Variants in NFKB1 observed in about 807,000 individuals in gnomAD.
NFKB1 encodes nuclear factor kappa B subunit 1.
NFKB1 carries 9 observed loss-of-function variants against 105.1 expected under a neutral mutation model. The observed-to-expected ratio is 0.09, with a 90% CI of 0.05 to 0.15. The LOEUF is 0.15. Among genes scored for constraint, NFKB1 ranks in the 10% least tolerant of loss-of-function variants. NFKB1 has a pLI of 1.00. For synonymous variants in NFKB1, 440 were observed against 442.2 expected (o/e 1.00, Z 0.06); for missense variants, 830 against 1,203.7 (o/e 0.69, Z 4.59).
Position 102,550,200 on chromosome 4 carries a change from T to G in NFKB1, c.258+12244T>G, listed in dbSNP as rs1236430152. Among the ~76,000 whole-genome samples the G allele has an allele frequency of 2.0e-5, 3 of 152,192 alleles. No homozygotes were observed. In the East Asian group the frequency reaches 5.8e-4, roughly 29 times the overall value. On this transcript the variant is annotated intron_variant, in intron 5 of 23. Coordinates refer to ENST00000226574, the MANE Select transcript of NFKB1 (RefSeq NM_003998.4). ...TTGTCCTATTCTTGGCCAGTGGGAG[T>G]CTTTCATGCTAGCTCCTATGTCTTT...
chr4:102,558,031 C>CT (rs575415233), intron 5 of NFKB1, among the ~76,000 whole-genome samples: 2,934 of 130,834 alleles, frequency 0.022, 51 homozygotes, highest in African/African-American at 0.055. Context: ...GATATCTAGC[C>CT]TTTTTTTTTT....
intron 5 of NFKB1, among the ~76,000 whole-genome samples, chr4:102,549,355 A>C (rs1290307318): frequency 6.7e-6 from 1 of 148,772 alleles, no homozygotes; most frequent in Non-Finnish European, 1.5e-5. Flanking sequence ...ATAAAATAAT[A>C]TATATTATTC....
intron 5 of NFKB1, among the ~76,000 whole-genome samples, chr4:102,551,282 G>A (rs1237690236): frequency 6.6e-6 from 1 of 152,172 alleles, no homozygotes; most frequent in Non-Finnish European, 1.5e-5. Flanking sequence ...ACATGTGTGA[G>A]AGAGTAATCA....
chr4:102,519,311 ATATT>A (rs1034934367), intron 1 of NFKB1, among the ~76,000 whole-genome samples: 40 of 147,742 alleles, frequency 2.7e-4, no homozygotes, highest in Non-Finnish European at 4.8e-4. Context: ...ATTATATAAA[ATATT>A]TATATGTTAT....
chr4:102,547,320 AAAG>A (rs1192378817), intron 5 of NFKB1, among the ~76,000 whole-genome samples: 2 of 152,334 alleles, frequency 1.3e-5, no homozygotes, highest in African/African-American at 2.4e-5. Context: ...GGCAGGTACA[AAAG>A]AAGGAGTAAG....
intron 5 of NFKB1, among the ~76,000 whole-genome samples, chr4:102,550,307 C>T (rs928119163): frequency 5.3e-5 from 8 of 152,128 alleles, no homozygotes; most frequent in African/African-American, 1.9e-4. Context: ...CCTATACCTT[C>T]ACTACCCCAG....
chr4:102,597,475 CAAAAG>C, intron 14 of NFKB1, 40 bp from the exon 15 acceptor site: 1 of 1,561,416 alleles, frequency 6.4e-7, no homozygotes, highest in Non-Finnish European at 8.7e-7. Context: ...ACCCATAAAA[CAAAAG>C]TAGGAACACT....
intron 2 of NFKB1, among the ~76,000 whole-genome samples, chr4:102,528,314 G>C (rs1302268163): frequency 6.6e-6 from 1 of 152,100 alleles, no homozygotes; most frequent in Non-Finnish European, 1.5e-5. Context: ...TTTCATTCCT[G>C]TATTTCCTTT....
At chr4:102,537,343 G>T (rs886666863) in intron 4 of NFKB1, among the ~76,000 whole-genome samples, 4 of 152,128 alleles carry the variant, frequency 2.6e-5, no homozygotes, top group Non-Finnish European at 5.9e-5. Flanking sequence ...CAGATGCAGG[G>T]TCTAGCACAG....
intron 5 of NFKB1, among the ~76,000 whole-genome samples, chr4:102,539,735 C>G (rs183753527): frequency 2.6e-4 from 39 of 152,248 alleles, no homozygotes; most frequent in South Asian, 8.3e-4. Context: ...CAAACAGACT[C>G]AGAGAATGGA....
intron 1 of NFKB1, among the ~76,000 whole-genome samples, chr4:102,515,293 G>A (rs1337692793): frequency 6.7e-6 from 1 of 149,752 alleles, no homozygotes. Context: ...TGTATTTTTA[G>A]TAGAGACGGG....
chr4:102,504,073 G>A (rs1158175003), intron 1 of NFKB1, among the ~76,000 whole-genome samples: 2 of 152,114 alleles, frequency 1.3e-5, no homozygotes, highest in Non-Finnish European at 2.9e-5. Context: ...TCTGGCTTCT[G>A]GGGGGAAGTG....
chr4:102,526,286 A>T (rs1740906704), intron 2 of NFKB1, among the ~76,000 whole-genome samples: 1 of 152,108 alleles, frequency 6.6e-6, no homozygotes, highest in Non-Finnish European at 1.5e-5. Context: ...ATATTTATTT[A>T]ATGTGTACAC....
At chr4:102,523,880 T>TC (rs1327251268) in intron 1 of NFKB1, among the ~76,000 whole-genome samples, 1 of 152,102 alleles carries the variant, frequency 6.6e-6, no homozygotes, top group Non-Finnish European at 1.5e-5. Context: ...CATCTCTAAC[T>TC]CCAACGAAGT....
chr4:102,561,938 G>A (rs1723474481), intron 5 of NFKB1, among the ~76,000 whole-genome samples: 1 of 152,164 alleles, frequency 6.6e-6, no homozygotes, highest in South Asian at 2.1e-4. Flanking sequence ...TTCAGAAAAA[G>A]GAGGCAGTAG....
rs540582688 is a variant in NFKB1, at chr4:102,549,148, G to T, written c.258+11192G>T. Among the ~76,000 whole-genome samples the T allele has an allele frequency of 8.6e-5, 13 of 152,030 alleles. No homozygotes were observed. The South Asian group carries it at 2.7e-3, about 32-fold the overall frequency. ...TACTCAATTAGTATAGAAATAACAA[G>T]AAAAATGCTTTGTTATTCTCATGTG... On this transcript the variant is annotated intron_variant, in intron 5 of 23. Transcript: ENST00000226574.
chr4:102,612,196 T>C, intron 21 of NFKB1, 86 bp downstream of exon 21: 1 of 1,288,930 alleles, frequency 7.8e-7, no homozygotes, highest in Non-Finnish European at 1.1e-6. Flanking sequence ...ATCCAGGGTC[T>C]ACTGTTAAAA....
At chr4:102,515,114 T>A (rs929719790) in intron 1 of NFKB1, among the ~76,000 whole-genome samples, 33 of 130,940 alleles carry the variant, frequency 2.5e-4, no homozygotes, top group Middle Eastern at 3.7e-3. Context: ...ATTATTTTTT[T>A]TTTTTTTTTT....
rs201777128 is a variant in NFKB1 at position 102,596,261 on chromosome 4, C to G, written c.1424C>G (p.Ala475Gly). Residue 475 changes from alanine (A) to glycine (G), a missense_variant, in exon 14 of 24, where the codon GCC becomes GGC. Around this residue, in one of 8 missense-constraint regions of NFKB1, gnomAD observed 163 missense variants for 164.3 expected, o/e 0.99. Transcript: ENST00000226574. ...TTEQDQEPSE[A>G]TVGNGEVTLT... is the part of the protein sequence containing the mutation. Reference sequence around the variant, plus strand: ...GAGCAAGATCAGGAGCCCAGCGAGGCCACCGTTGGGAATGGTGAGGTCACT... The same window carrying G: ...GAGCAAGATCAGGAGCCCAGCGAGGGCACCGTTGGGAATGGTGAGGTCACT... 442 of 1,613,520 alleles carry G rather than the reference C, an allele frequency of 2.7e-4. No individual in the cohort carries two copies. Among genetic ancestry groups the G allele is most frequent in the Non-Finnish European group, 3.6e-4 (424 of 1,179,642 alleles).
Sources: gnomAD v4.1 joint callset for allele counts (sites outside exome capture counted in the v4.1 genomes callset) on GRCh38, gnomAD v4.1.1 for gene constraint, gnomAD v4.1.1 regional missense constraint, MANE v1.5 for transcripts, NCBI Gene and HGNC (gene_info 2026-07-23, HGNC 2026-07-21) for gene names.